The following MGA variants were observed in gnomAD, a reference collection of about 807,000 sequenced individuals.
MGA encodes the protein MAX gene-associated protein.
In MGA, 40 loss-of-function variants were observed where a neutral mutation model predicts 261.1. That is an observed-to-expected ratio of 0.15 (90% CI 0.12 to 0.20). The LOEUF (loss-of-function observed/expected upper bound fraction) is 0.20. Ranked by LOEUF, MGA falls within the 10% of genes least tolerant of loss-of-function variation. MGA has a pLI of 1.00. For missense variants in MGA, 3,397 were observed against 3,630.5 expected, an observed-to-expected ratio of 0.94 and a Z score of 1.65; for synonymous variants, 1,302 against 1,290.6, an observed-to-expected ratio of 1.01 and a Z score of -0.19.
At chr15:41,691,698 A>G (rs1358376198) in intron 2 of MGA, 2 of 450,616 alleles carry the variant, frequency 4.4e-6, no homozygotes, top group Admixed American at 2.2e-5. Context: ...GGTATAGAAC[A>G]TTAGTTTTTC....
At chr15:41,635,516 C>CT (rs1566925237) in intron 1 of MGA, among the ~76,000 whole-genome samples, 1 of 103,728 alleles carries the variant, frequency 9.6e-6, no homozygotes. Flanking sequence ...CATAGTGAGA[C>CT]CCCCCCCCTC....
intron 9 of MGA, among the ~76,000 whole-genome samples, chr15:41,719,145 A>G (rs986064165): frequency 2.0e-5 from 3 of 152,108 alleles, no homozygotes; most frequent in Non-Finnish European, 4.4e-5. Context: ...ACCATTTAAA[A>G]TAGCATCCAA....
Position 41,668,847 on chromosome 15 carries a change from C to A in MGA, c.-48C>A. On this transcript the variant is annotated 5_prime_UTR_variant, in exon 2 of 24. Transcript: ENST00000219905. The stretch of plus-strand genomic sequence containing the variant: ...TCTTAGGATGGGAAGGCCATTGTGA[C>A]TATGTGGTGATTACAGTTGTCTTAC... 1 of 1,380,024 alleles carries A rather than the reference C, an allele frequency of 7.2e-7. No individual in the cohort carries two copies. The highest frequency in any genetic ancestry group is 9.8e-7 in the Non-Finnish European group (1 of 1,024,932). 85.5% of individuals were successfully genotyped at this position (1,380,024 alleles called of 1,614,324 possible).
At chr15:41,732,704 A>G (rs924342847) in intron 11 of MGA, among the ~76,000 whole-genome samples, 2 of 152,330 alleles carry the variant, frequency 1.3e-5, no homozygotes, top group African/African-American at 4.8e-5. Context: ...TGCCTGGTAC[A>G]TTATAAGTAC....
intron 22 of MGA, among the ~76,000 whole-genome samples, chr15:41,764,231 C>CA (rs886551645): frequency 1.4e-5 from 2 of 146,444 alleles, no homozygotes; most frequent in Admixed American, 1.4e-4. Flanking sequence ...GTGTATGAGC[C>CA]AAAAAAAATC....
At chr15:41,638,273 C>T (rs2150597406) in intron 1 of MGA, among the ~76,000 whole-genome samples, 1 of 151,864 alleles carries the variant, frequency 6.6e-6, no homozygotes, top group South Asian at 2.1e-4. Context: ...GAACTCCTGA[C>T]TTCAGGTGAT....
At chr15:41,744,847 T>G (rs1478791652) in intron 15 of MGA, among the ~76,000 whole-genome samples, 1 of 152,324 alleles carries the variant, frequency 6.6e-6, no homozygotes, top group East Asian at 1.9e-4. Flanking sequence ...TTTAATCAAC[T>G]GCTTTTTTAT....
intron 20 of MGA, among the ~76,000 whole-genome samples, chr15:41,761,133 A>C (rs2063432565): frequency 6.6e-6 from 1 of 152,212 alleles, no homozygotes; most frequent in Non-Finnish European, 1.5e-5. Flanking sequence ...AACTCTGGTT[A>C]GCCATGTTGA....
intron 1 of MGA, among the ~76,000 whole-genome samples, chr15:41,649,486 C>G (rs1343326139): frequency 6.6e-6 from 1 of 151,802 alleles, no homozygotes; most frequent in Non-Finnish European, 1.5e-5. Context: ...TGTGTAAGTT[C>G]TAGGAAGAAC....
upstream of MGA, among the ~76,000 whole-genome samples, chr15:41,660,071 G>C (rs2150797999): frequency 6.6e-6 from 1 of 152,380 alleles, no homozygotes; most frequent in East Asian, 1.9e-4. Context: ...GAGCCCTAGG[G>C]AAAGGGTGAA....
At chr15:41,706,761 A>G (rs1255225145) in intron 5 of MGA, among the ~76,000 whole-genome samples, 1 of 151,906 alleles carries the variant, frequency 6.6e-6, no homozygotes, top group Non-Finnish European at 1.5e-5. Flanking sequence ...TGTAGTAGAG[A>G]TGAGGTTTCA....
chr15:41,740,189 C>T lies in MGA; in HGVS notation c.4571C>T (p.Ala1524Val), dbSNP rs1242744702. Residue 1524 changes from alanine to valine, a missense_variant, in exon 14 of 24, where the codon GCA (alanine) becomes GTA (valine). Coordinates refer to ENST00000219905, the MANE Select transcript of MGA (RefSeq NM_001164273.2). ...AAGAATCTGAAGGCGTTTGTCCCAG[C>T]AAAACGGCCAATTGGTAAGTTGGGG... 6.2e-7 allele frequency: 1 copy of T among 1,613,676 alleles called. No homozygotes were observed. Among genetic ancestry groups the T allele is most frequent in the East Asian group, 2.2e-5 (1 of 44,896 alleles).
chr15:41,718,496 C>A, intron 9 of MGA: 1 of 621,534 alleles, frequency 1.6e-6, no homozygotes, highest in Admixed American at 2.2e-5. Flanking sequence ...TCTGATCAAT[C>A]TTGCACTGCT....
At chr15:41,714,897 GATTT>G (rs1370213552) in intron 9 of MGA, among the ~76,000 whole-genome samples, 5 of 152,232 alleles carry the variant, frequency 3.3e-5, no homozygotes, top group African/African-American at 1.2e-4. Context: ...TTCTATGATA[GATTT>G]ATTGACCATT....
chr15:41,669,261 C>T lies in MGA; in HGVS notation c.367C>T (p.Leu123Phe). The T allele has an allele frequency of 6.2e-7, 1 of 1,613,928 alleles. No individual in the cohort carries two copies. Among genetic ancestry groups the T allele is most frequent in the Non-Finnish European group, 8.5e-7 (1 of 1,179,874 alleles). ...TTTAGATTCAAATTTGAAGTATATT[C>T]TTGTCATGGATATATCTCCTGTGGA... Residue 123 changes from leucine to phenylalanine, a missense_variant, in exon 2 of 24, where the codon CTT becomes TTT. Physicochemically the swap from Leu to Phe is conservative, Grantham distance 22. Coordinates refer to ENST00000219905, the MANE Select transcript of MGA (RefSeq NM_001164273.2).
intron 11 of MGA, among the ~76,000 whole-genome samples, chr15:41,732,574 A>G (rs2151749450): frequency 6.6e-6 from 1 of 152,374 alleles, no homozygotes; most frequent in South Asian, 2.1e-4. Flanking sequence ...TAGATAACCA[A>G]GTGAACACTT....
intron 22 of MGA, 90 bp from the exon 23 acceptor site, chr15:41,764,796 A>C: frequency 7.6e-7 from 1 of 1,307,276 alleles, no homozygotes; most frequent in South Asian, 1.3e-5. Flanking sequence ...TGCCTGCCTC[A>C]GCCTCCCAAA....
chr15:41,653,672 C>G (rs1272353528), intron 1 of MGA, among the ~76,000 whole-genome samples: 1 of 148,612 alleles, frequency 6.7e-6, no homozygotes, highest in Non-Finnish European at 1.5e-5. Context: ...CATACCACTG[C>G]ACTCCATCCA....
In MGA at chr15:41,713,085, A is replaced by G; in HGVS notation, c.3085-66A>G. ...AGAGAGTAATGCAGTCCAGTATATG[A>G]CCATAAGTTGGTGGTGGTGTAGGGG... On this transcript the variant is annotated intron_variant, in intron 8 of 23. Coordinates refer to ENST00000219905, the MANE Select transcript of MGA (RefSeq NM_001164273.2). 6 of 1,566,970 alleles carry G rather than the reference A, an allele frequency of 3.8e-6. No individual in the cohort carries two copies. In the East Asian group the frequency reaches 1.3e-4, roughly 35 times the overall value.
Sources: allele counts gnomAD v4.1 joint callset (sites outside exome capture counted in the v4.1 genomes callset), GRCh38; gene constraint gnomAD v4.1.1; transcripts MANE v1.5; gene names NCBI Gene and HGNC (gene_info 2026-07-23, HGNC 2026-07-21).